The following WDR43 variants were observed in gnomAD, a reference collection of about 807,000 sequenced individuals.
WDR43 encodes the protein WD repeat-containing protein 43.
WDR43 carries 13 observed loss-of-function variants against 91.4 expected under a neutral mutation model. The ratio of observed to expected loss-of-function variants is 0.14; its 90% CI spans 0.09 to 0.23. WDR43 has a LOEUF of 0.23. WDR43 is among the 10% of genes least tolerant of loss of function. The pLI is 1.00. For synonymous variants in WDR43, 331 were observed against 287.9 expected (o/e 1.15, Z -1.51); for missense variants, 780 against 809.4 (o/e 0.96, Z 0.44).
rs1671268806 is a variant in WDR43, at chr2:28,932,565, A to G, written c.1437+2855A>G. On this transcript the variant is annotated intron_variant, in intron 11 of 17. Transcript: ENST00000407426. The stretch of plus-strand genomic sequence containing the variant: ...TCTGTACTCTAAAAAGAAAGAGGTT[A>G]GTAACATTTTTCTTTCTAAAAACGT... Among the ~76,000 whole-genome samples, 3 of 152,240 alleles carry G rather than the reference A, an allele frequency of 2.0e-5. No homozygotes were observed. The South Asian group carries it at 6.2e-4, about 32-fold the overall frequency.
chr2:28,934,831 TAC>T (rs1671309192), intron 11 of WDR43, among the ~76,000 whole-genome samples: 1 of 152,210 alleles, frequency 6.6e-6, no homozygotes, highest in African/African-American at 2.4e-5. Context: ...AACAAATACA[TAC>T]ACCATTAGAA....
chr2:28,906,720 C>A, intron 3 of WDR43, 139 bp downstream of exon 3: 2 of 1,085,276 alleles, frequency 1.8e-6, no homozygotes, highest in Non-Finnish European at 2.5e-6. Context: ...GATTTTAATA[C>A]ATAAAATACT....
At chr2:28,922,265 C>A (rs769287058) in intron 6 of WDR43, among the ~76,000 whole-genome samples, 2 of 152,188 alleles carry the variant, frequency 1.3e-5, no homozygotes, top group Non-Finnish European at 2.9e-5. Flanking sequence ...TCCCTGAATT[C>A]TCTCATTACC....
Position 28,946,960 on chromosome 2 carries a change from A to C in WDR43, c.*181A>C, listed in dbSNP as rs1447242270. On this transcript the variant is annotated 3_prime_UTR_variant, in exon 18 of 18. Coordinates refer to ENST00000407426, the MANE Select transcript of WDR43 (RefSeq NM_015131.3). Reference sequence around the variant, plus strand: ...TTGACTGTGTAAATAAGAGTGTTTCATTCAAATGTTAATAAACTTTACACA... The same window carrying C: ...TTGACTGTGTAAATAAGAGTGTTTCCTTCAAATGTTAATAAACTTTACACA... 2 of 615,140 alleles carry C rather than the reference A, an allele frequency of 3.3e-6. No individual in the cohort carries two copies. Among genetic ancestry groups the C allele is most frequent in the Non-Finnish European group, 5.4e-6 (2 of 369,010 alleles). The allele number at this position is 615,140 out of a possible 1,614,324, so 38.1% of individuals were successfully genotyped here. A position where few individuals can be genotyped will look rare whatever the true frequency, so the allele number is the denominator to read the frequency against.
chr2:28,894,732 C>T lies in WDR43; in HGVS notation c.34C>T (p.Leu12=), dbSNP rs1177644076. The T allele has an allele frequency of 6.3e-7, 1 of 1,581,960 alleles. No individual in the cohort carries two copies. Among genetic ancestry groups the T allele is most frequent in the South Asian group, 1.1e-5 (1 of 87,352 alleles). ...AAGGGGSCDP[L]APAGVPCAFS... is the part of the protein sequence containing the mutation. ...GGGCGGCGGCGGTAGCTGCGACCCC[C>T]TGGCCCCTGCTGGGGTCCCTTGCGC... Residue 12 remains leucine, a synonymous_variant, in exon 1 of 18, where the codon CTG becomes TTG. Transcript: ENST00000407426.
intron 16 of WDR43, among the ~76,000 whole-genome samples, chr2:28,943,230 T>TA (rs767922111): frequency 1.3e-5 from 2 of 151,950 alleles, no homozygotes; most frequent in East Asian, 2.0e-4. Flanking sequence ...CTCAAACTCT[T>TA]ACACTCAAGC....
At chr2:28,920,146 C>G (rs1670993932) in intron 6 of WDR43, among the ~76,000 whole-genome samples, 1 of 151,240 alleles carries the variant, frequency 6.6e-6, no homozygotes, top group Admixed American at 6.6e-5. Context: ...GTGCCTGGCC[C>G]CCTGTGACTG....
chr2:28,916,913 C>T lies in WDR43; in HGVS notation c.747-980C>T, dbSNP rs534839791. Among the ~76,000 whole-genome samples, 23 of 152,110 alleles carry T rather than the reference C, an allele frequency of 1.5e-4. 1 individual carries two copies. Among genetic ancestry groups the T allele is most frequent in the Middle Eastern group, 3.4e-3 (1 of 294 alleles). On this transcript the variant is annotated intron_variant, in intron 5 of 17. Transcript: ENST00000407426. Reference sequence around the variant, plus strand: ...CTATTTAAAGATATCTTATTTAATGCATATGTTTTTGATTGATTAACTTTG... The same window carrying T: ...CTATTTAAAGATATCTTATTTAATGTATATGTTTTTGATTGATTAACTTTG...
chr2:28,944,472 A>G (rs1671505824), intron 16 of WDR43, among the ~76,000 whole-genome samples: 1 of 152,258 alleles, frequency 6.6e-6, no homozygotes, highest in Admixed American at 6.5e-5. Flanking sequence ...GCTTGACAAC[A>G]TAGCTTTAAA....
chr2:28,900,865 A>G (rs549561215), intron 1 of WDR43, among the ~76,000 whole-genome samples: 1 of 152,112 alleles, frequency 6.6e-6, no homozygotes. Context: ...GTTAGACTGC[A>G]TTTCATCTGT....
intron 16 of WDR43, among the ~76,000 whole-genome samples, chr2:28,944,798 C>CGACT (rs1479850452): frequency 6.6e-6 from 1 of 152,248 alleles, no homozygotes; most frequent in East Asian, 1.9e-4. Context: ...GGCTACTAAA[C>CGACT]GACTAACGGG....
intron 3 of WDR43, among the ~76,000 whole-genome samples, chr2:28,909,821 C>T (rs934582503): frequency 6.6e-6 from 1 of 152,210 alleles, no homozygotes; most frequent in South Asian, 2.1e-4. Flanking sequence ...CTGCAGCAAG[C>T]TGTTACCTTG....
intron 1 of WDR43, among the ~76,000 whole-genome samples, chr2:28,896,927 C>A (rs1285576012): frequency 1.3e-5 from 2 of 152,118 alleles, no homozygotes; most frequent in Non-Finnish European, 2.9e-5. Context: ...CTCCTTTTAA[C>A]CACATGACTA....
At position 28,917,874 on chromosome 2, in the gene WDR43, T is replaced by G. The variant is rs1341448234; in HGVS notation, c.747-19T>G. 1 of 1,556,906 alleles carries G rather than the reference T, an allele frequency of 6.4e-7. No homozygotes were observed. The highest frequency in any genetic ancestry group is 2.3e-5 in the East Asian group (1 of 42,630). ...ATTAAATCTGTCTTGCTATCTAACTTGCTGGTTTTGTTATCTAGGCAGGTC... is the reference window on the plus strand; with the variant it reads ...ATTAAATCTGTCTTGCTATCTAACTGGCTGGTTTTGTTATCTAGGCAGGTC... On this transcript the variant is annotated intron_variant, in intron 5 of 17. Coordinates refer to ENST00000407426, the MANE Select transcript of WDR43 (RefSeq NM_015131.3).
intron 2 of WDR43, among the ~76,000 whole-genome samples, chr2:28,903,619 CAA>C (rs149497666): frequency 1.3e-4 from 20 of 152,340 alleles, no homozygotes; most frequent in African/African-American, 4.8e-4. Flanking sequence ...AGATCCATCT[CAA>C]GAAAGCATTC....
Position 28,914,053 on chromosome 2 carries a change from AT to A in WDR43, c.607-13del. On this transcript the variant is annotated splice_polypyrimidine_tract_variant and intron_variant, in intron 4 of 17. Coordinates refer to ENST00000407426, the MANE Select transcript of WDR43 (RefSeq NM_015131.3). ...CTTTGAATCTGCTCTCCTAACTGAG[AT>A]TTAACTTTCTCTAGCATTTCACAGG... 1 of 1,611,076 alleles carries A rather than the reference AT, an allele frequency of 6.2e-7. No individual in the cohort carries two copies. The highest frequency in any genetic ancestry group is 1.1e-5 in the South Asian group (1 of 90,784).
chr2:28,936,383 C>G (rs187324837), intron 12 of WDR43, among the ~76,000 whole-genome samples: 1 of 151,972 alleles, frequency 6.6e-6, no homozygotes, highest in African/African-American at 2.4e-5. Context: ...GGCTGGTGTA[C>G]CATTATTGGT....
intron 8 of WDR43, among the ~76,000 whole-genome samples, chr2:28,926,186 T>C (rs1210598102): frequency 1.3e-5 from 2 of 152,174 alleles, no homozygotes; most frequent in Non-Finnish European, 2.9e-5. Context: ...TCTGTTGAAC[T>C]TTAAAAAATA....
At position 28,906,389 on chromosome 2, in the gene WDR43, A is replaced by G; in HGVS notation, c.364-71A>G. ...GTAATCCCAGCATCTTGGGAGAGCG[A>G]GGAAGGAGGATCATTTGAGCCCAGG... On this transcript the variant is annotated intron_variant, in intron 2 of 17. Transcript: ENST00000407426. 3 of 1,435,656 alleles carry G rather than the reference A, an allele frequency of 2.1e-6. No homozygotes were observed. The South Asian group carries it at 4.0e-5, about 19-fold the overall frequency. The allele number at this position is 1,435,656 out of a possible 1,614,324, so 88.9% of individuals were successfully genotyped here.
Sources: allele counts gnomAD v4.1 joint callset (sites outside exome capture counted in the v4.1 genomes callset), GRCh38; gene constraint gnomAD v4.1.1; transcripts MANE v1.5; gene names NCBI Gene and HGNC (gene_info 2026-07-23, HGNC 2026-07-21).